Variants in TLN2 observed in about 807,000 individuals in gnomAD.
TLN2 encodes the protein talin 2, also known as talin-2.
A neutral mutation model predicts 294.7 loss-of-function variants in TLN2; 118 were observed. That is an observed-to-expected ratio of 0.40 (90% CI 0.34 to 0.47). The LOEUF (loss-of-function observed/expected upper bound fraction) is 0.47. Ranked by LOEUF, TLN2 falls within the 20% of genes least tolerant of loss-of-function variation. TLN2 has a pLI of 0.84. For missense variants in TLN2, 3,083 were observed against 3,282.2 expected (o/e 0.94, Z 1.48); for synonymous variants, 1,431 against 1,304.5 (o/e 1.10, Z -2.09).
At chr15:62,586,721 G>C (rs999577765) in intron 1 of TLN2, among the ~76,000 whole-genome samples, 4 of 152,150 alleles carry the variant, frequency 2.6e-5, no homozygotes, top group Non-Finnish European at 5.9e-5. Flanking sequence ...TTAACCACAA[G>C]AAATGGCCCA....
Position 62,482,829 on chromosome 15 carries a change from G to C in TLN2, c.-238+92144G>C, listed in dbSNP as rs2038181248. On this transcript the variant is annotated intron_variant, in intron 1 of 58. Transcript: ENST00000636159. Reference sequence around the variant, plus strand: ...GCCAGGATGCAATTTCTGGTCTTGTGGTTCAGCCTTCGTGGCCTCATTGTG... The same window carrying C: ...GCCAGGATGCAATTTCTGGTCTTGTCGTTCAGCCTTCGTGGCCTCATTGTG... 2.0e-5 allele frequency among the ~76,000 whole-genome samples: 3 copies of C among 152,106 alleles called. No individual in the cohort carries two copies. In the South Asian group the frequency reaches 6.2e-4, roughly 32 times the overall value.
At chr15:62,438,260 CT>C (rs2035387433) in intron 1 of TLN2, among the ~76,000 whole-genome samples, 1 of 152,000 alleles carries the variant, frequency 6.6e-6, no homozygotes, top group African/African-American at 2.4e-5. Flanking sequence ...CACATCCTTG[CT>C]TTTTGCACAT....
chr15:62,756,902 T>TC (rs2062297250), intron 37 of TLN2, among the ~76,000 whole-genome samples: 1 of 151,770 alleles, frequency 6.6e-6, no homozygotes, highest in Non-Finnish European at 1.5e-5. Flanking sequence ...AGTCTTTTTT[T>TC]TTAGAAATGA....
chr15:62,755,346 A>T, intron 36 of TLN2, 186 bp from the exon 37 acceptor site: 1 of 651,158 alleles, frequency 1.5e-6, no homozygotes, highest in East Asian at 3.0e-5. Flanking sequence ...TTTCTTTATT[A>T]TCTGTGCTTA....
intron 3 of TLN2, among the ~76,000 whole-genome samples, chr15:62,646,122 T>C (rs575909601): frequency 1.3e-5 from 2 of 152,190 alleles, no homozygotes; most frequent in South Asian, 2.1e-4. Flanking sequence ...AAACTTAACC[T>C]AAACCTGTGT....
At position 62,766,539 on chromosome 15, in the gene TLN2, C is replaced by G. The variant is rs2063019545; in HGVS notation, c.5196+117C>G. On this transcript the variant is annotated intron_variant, in intron 41 of 58. Coordinates refer to ENST00000636159, the MANE Select transcript of TLN2 (RefSeq NM_015059.3). The stretch of plus-strand genomic sequence containing the variant: ...TGTGGTGCAAGTATTGTGCCTGAGT[C>G]CAATGCTCGTTTAAGCTGCAGAAAA... The G allele has an allele frequency of 4.4e-6, 4 of 903,132 alleles. No homozygotes were observed. The Admixed American group carries it at 9.5e-5, about 21-fold the overall frequency. 55.9% of individuals were successfully genotyped at this position (903,132 alleles called of 1,614,324 possible). A position where few individuals can be genotyped will look rare whatever the true frequency, so the allele number is the denominator to read the frequency against.
At chr15:62,673,403 TCTC>T (rs937218085) in intron 9 of TLN2, among the ~76,000 whole-genome samples, 36 of 150,006 alleles carry the variant, frequency 2.4e-4, no homozygotes, top group Admixed American at 1.3e-3. Context: ...CTTGTTCCCT[TCTC>T]CTTGTTTTTC....
chr15:62,615,678 A>G (rs2048257864), intron 2 of TLN2, among the ~76,000 whole-genome samples: 1 of 152,236 alleles, frequency 6.6e-6, no homozygotes, highest in African/African-American at 2.4e-5. Flanking sequence ...CCTGCAAACA[A>G]AGCAGTGATG....
At chr15:62,522,295 A>C (rs1214878078) in intron 1 of TLN2, among the ~76,000 whole-genome samples, 1 of 152,208 alleles carries the variant, frequency 6.6e-6, no homozygotes, top group Non-Finnish European at 1.5e-5. Context: ...GAAATAAAAA[A>C]AGAGAATCTG....
chr15:62,575,039 G>A (rs1038180006), intron 1 of TLN2, among the ~76,000 whole-genome samples: 4 of 152,174 alleles, frequency 2.6e-5, no homozygotes, highest in African/African-American at 7.2e-5. Context: ...AGGGCTGGGC[G>A]CAGTGGCTCA....
chr15:62,692,796 A>C (rs1460023528), intron 12 of TLN2, 44 bp from the exon 13 acceptor site: 1 of 1,503,566 alleles, frequency 6.7e-7, no homozygotes, highest in African/African-American at 1.4e-5. Context: ...TAAAATGCTG[A>C]TATATCTGAT....
At chr15:62,691,265 G>T (rs2057886174) in intron 12 of TLN2, among the ~76,000 whole-genome samples, 1 of 152,134 alleles carries the variant, frequency 6.6e-6, no homozygotes. Context: ...ATAAGTCCGT[G>T]AAGCTCTGTT....
intron 1 of TLN2, among the ~76,000 whole-genome samples, chr15:62,425,324 A>ACTG (rs2034649918): frequency 6.9e-6 from 1 of 144,000 alleles, no homozygotes; most frequent in Non-Finnish European, 1.6e-5. Flanking sequence ...CCTGGGGAAT[A>ACTG]CTGCCTGCGG....
chr15:62,494,670 G>A (rs1303460910), intron 1 of TLN2, among the ~76,000 whole-genome samples: 2 of 151,868 alleles, frequency 1.3e-5, no homozygotes, highest in African/African-American at 4.8e-5. Context: ...CATATCATAG[G>A]CTTATGTCTC....
intron 4 of TLN2, among the ~76,000 whole-genome samples, chr15:62,647,707 A>C (rs1477901097): frequency 6.6e-6 from 1 of 152,238 alleles, no homozygotes; most frequent in African/African-American, 2.4e-5. Flanking sequence ...TGCGGTTTAC[A>C]GATCACATTC....
At chr15:62,672,800 T>C (rs557548857) in intron 9 of TLN2, among the ~76,000 whole-genome samples, 303 of 152,020 alleles carry the variant, frequency 2.0e-3, no homozygotes, top group South Asian at 4.8e-3. Context: ...TGTCGGGGGG[T>C]TGCCACCAGG....
rs928448203 is a variant in TLN2, at chr15:62,653,334, G to A, written c.517+20G>A. ...ATGACCGTAAGTGTTTGCAGAGGAA[G>A]CATGATACAGACACACAGGCTTTGC... On this transcript the variant is annotated intron_variant, in intron 7 of 58. Coordinates refer to ENST00000636159, the MANE Select transcript of TLN2 (RefSeq NM_015059.3). 1.3e-5 allele frequency: 21 copies of A among 1,602,468 alleles called. No individual in the cohort carries two copies. The highest frequency in any genetic ancestry group is 5.1e-5 in the Admixed American group (3 of 58,596).
chr15:62,745,378 A>G (rs2061556648), intron 32 of TLN2, among the ~76,000 whole-genome samples: 1 of 152,226 alleles, frequency 6.6e-6, no homozygotes, highest in African/African-American at 2.4e-5. Context: ...TTGGATTTAC[A>G]AAGAACAGAG....
chr15:62,829,814 C>T (rs2068602716), intron 54 of TLN2: 1 of 152,198 alleles, frequency 6.6e-6, no homozygotes, highest in Non-Finnish European at 1.5e-5. Flanking sequence ...CCTCTGGGAG[C>T]CATCCTTCTA....
Sources: allele counts gnomAD v4.1 joint callset (sites outside exome capture counted in the v4.1 genomes callset), GRCh38; gene constraint gnomAD v4.1.1; transcripts MANE v1.5; gene names NCBI Gene and HGNC (gene_info 2026-07-23, HGNC 2026-07-21).